Variants in GRK3 observed in about 807,000 individuals in gnomAD.
The protein encoded by GRK3 is adrenergic, beta, receptor kinase 2.
GRK3 carries 54 observed loss-of-function variants against 95.7 expected under a neutral mutation model. The ratio of observed to expected loss-of-function variants is 0.56; its 90% CI spans 0.45 to 0.71. GRK3 has a LOEUF of 0.71. GRK3 is among the 30% of genes least tolerant of loss of function. GRK3 has a pLI of 0.00. For missense variants in GRK3, 649 were observed against 851.2 expected (o/e 0.76, Z 2.96); for synonymous variants, 281 against 290.8 (o/e 0.97, Z 0.34).
intron 3 of GRK3, chr22:25,649,379 A>G: frequency 3.5e-6 from 2 of 577,166 alleles, no homozygotes; most frequent in Middle Eastern, 4.7e-4. Flanking sequence ...GTTCCACAAA[A>G]CCACTTTTTT....
At chr22:25,674,625 C>G (rs2085012205) in intron 8 of GRK3, 97 bp downstream of exon 8, 1 of 957,540 alleles carries the variant, frequency 1.0e-6, no homozygotes, top group Admixed American at 2.2e-5. Context: ...AAACCTATGA[C>G]ATTTCTTTTG....
intron 1 of GRK3, among the ~76,000 whole-genome samples, chr22:25,582,557 A>C (rs1932137746): frequency 6.6e-6 from 1 of 152,226 alleles, no homozygotes; most frequent in Admixed American, 6.5e-5. Flanking sequence ...ATCTGAAGAA[A>C]AAATGGGCAA....
Position 25,663,584 on chromosome 22 carries a change from T to C in GRK3, c.367-46T>C, listed in dbSNP as rs200556263. On this transcript the variant is annotated intron_variant, in intron 4 of 20. Coordinates refer to ENST00000324198, the MANE Select transcript of GRK3 (RefSeq NM_005160.4). ...TGTGATATTATATAACATACACAGA[T>C]TGGTTACATTTTATTATTTAAAAAT... The C allele has an allele frequency of 3.1e-6, 4 of 1,278,516 alleles. No individual in the cohort carries two copies. In the East Asian group the frequency reaches 9.8e-5, roughly 31 times the overall value. The allele number at this position is 1,278,516 out of a possible 1,614,324, so 79.2% of individuals were successfully genotyped here.
intron 10 of GRK3, among the ~76,000 whole-genome samples, chr22:25,686,554 A>T (rs2085116236): frequency 6.6e-6 from 1 of 152,212 alleles, no homozygotes; most frequent in Non-Finnish European, 1.5e-5. Flanking sequence ...AGCAAGGGTA[A>T]TAAAGTTGGA....
chr22:25,634,980 G>GT lies in GRK3; in HGVS notation c.191-9611dup, dbSNP rs201876738. On this transcript the variant is annotated intron_variant, in intron 2 of 20. Coordinates refer to ENST00000324198, the MANE Select transcript of GRK3 (RefSeq NM_005160.4). ...AAATAACTTCAAACTCAGAAAAGTC[G>GT]TAAGAATGGTATGAGGAATTTTGTA... Among the ~76,000 whole-genome samples the GT allele has an allele frequency of 2.8e-3, 423 of 152,238 alleles. 4 individuals carry two copies. In the East Asian group the frequency reaches 0.035, roughly 13 times the overall value.
At chr22:25,662,369 G>A (rs1389039997) in intron 4 of GRK3, among the ~76,000 whole-genome samples, 1 of 152,224 alleles carries the variant, frequency 6.6e-6, no homozygotes, top group East Asian at 1.9e-4. Context: ...TCAAATGGGA[G>A]TAAAAATTTA....
chr22:25,693,586 T>G (rs549674391), intron 12 of GRK3, among the ~76,000 whole-genome samples: 165 of 152,140 alleles, frequency 1.1e-3, no homozygotes, highest in Non-Finnish European at 2.0e-3. Context: ...TTCGGGCTGA[T>G]TGAGCTTTCC....
At chr22:25,600,951 T>G (rs78788260) in intron 1 of GRK3, among the ~76,000 whole-genome samples, 3,450 of 152,304 alleles carry the variant, frequency 0.023, 61 homozygotes, top group Middle Eastern at 0.068. Context: ...CATGGGGTTA[T>G]TTCACCATGG....
chr22:25,719,917 A>C (rs1404411849), intron 19 of GRK3, among the ~76,000 whole-genome samples: 1 of 152,240 alleles, frequency 6.6e-6, no homozygotes, highest in Non-Finnish European at 1.5e-5. Context: ...TTACAATTGC[A>C]TATCACTCCA....
Position 25,564,868 on chromosome 22 carries a change from CGCGCGCAGAGCGCTAGTGGG to C in GRK3, c.-166_-147del, listed in dbSNP as rs1169547814. The C allele has an allele frequency of 2.2e-5, 3 of 138,212 alleles. No individual in the cohort carries two copies. Among genetic ancestry groups the C allele is most frequent in the East Asian group, 2.3e-4 (1 of 4,362 alleles). The allele number at this position is 138,212 out of a possible 1,614,324, so 8.6% of individuals were successfully genotyped here. A position where few individuals can be genotyped will look rare whatever the true frequency, so the allele number is the denominator to read the frequency against. On this transcript the variant is annotated 5_prime_UTR_variant, in exon 1 of 21. Transcript: ENST00000324198. ...GACCCCGGCCGGCTACAGCCTGCGG[CGCGCGCAGAGCGCTAGTGGG>C]GCGCGCGGCGCGCGCGCGGGGCGGG... is the stretch of plus-strand genomic sequence containing the variant.
rs1402939529 is a variant in GRK3 at position 25,572,816 on chromosome 22, A to C, written c.113+7663A>C. On this transcript the variant is annotated intron_variant, in intron 1 of 20. Transcript: ENST00000324198. ...AGCAGCTGGCTTCATTGTATTGTGCATAAGGTGATTCATTACAGTCTTTCT... is the reference window on the plus strand; with the variant it reads ...AGCAGCTGGCTTCATTGTATTGTGCCTAAGGTGATTCATTACAGTCTTTCT... 5.2e-5 allele frequency among the ~76,000 whole-genome samples: 8 copies of C among 152,398 alleles called. No individual in the cohort carries two copies. In the East Asian group the frequency reaches 1.5e-3, roughly 29 times the overall value.
intron 2 of GRK3, among the ~76,000 whole-genome samples, chr22:25,628,138 G>T (rs1361097426): frequency 2.0e-5 from 3 of 152,142 alleles, no homozygotes; most frequent in Non-Finnish European, 4.4e-5. Context: ...ACACAAAGGT[G>T]CTCTGAAATG....
intron 17 of GRK3, among the ~76,000 whole-genome samples, chr22:25,712,573 A>G (rs2085352564): frequency 6.6e-6 from 1 of 152,280 alleles, no homozygotes. Context: ...ATACTTAAAA[A>G]TGTTGTAAAC....
chr22:25,650,236 T>C (rs1223176465), intron 3 of GRK3, among the ~76,000 whole-genome samples: 2 of 151,840 alleles, frequency 1.3e-5, no homozygotes, highest in Non-Finnish European at 2.9e-5. Flanking sequence ...AGAGACGGGG[T>C]TTCACCATGT....
chr22:25,624,481 G>A (rs917049030), intron 2 of GRK3, among the ~76,000 whole-genome samples: 9 of 152,080 alleles, frequency 5.9e-5, no homozygotes, highest in African/African-American at 1.7e-4. Flanking sequence ...GGAGAATGAC[G>A]TGAACCCGGG....
intron 1 of GRK3, 113 bp from the exon 2 acceptor site, chr22:25,604,264 G>A (rs2084428725): frequency 2.9e-6 from 2 of 701,380 alleles, no homozygotes; most frequent in Non-Finnish European, 4.6e-6. Flanking sequence ...GTGGCAAGAA[G>A]GGTCTCTTGT....
intron 2 of GRK3, among the ~76,000 whole-genome samples, chr22:25,609,351 T>TA (rs1184655283): frequency 6.6e-6 from 1 of 151,500 alleles, no homozygotes; most frequent in Non-Finnish European, 1.5e-5. Flanking sequence ...TTTTTTTTTT[T>TA]AAGACAGTCT....
rs1601550820 is a variant in GRK3, at chr22:25,719,936, AAAAG to A, written c.1792-1341_1792-1338del. On this transcript the variant is annotated intron_variant, in intron 19 of 20. Transcript: ENST00000324198. ...AATTGCATATCACTCCATTTCTTTG[AAAAG>A]AAAGAAGATCTTCCCAACCATCACT... is the stretch of plus-strand genomic sequence containing the variant. Among the ~76,000 whole-genome samples, 4 of 152,304 alleles carry A rather than the reference AAAAG, an allele frequency of 2.6e-5. No individual in the cohort carries two copies. The East Asian group carries it at 7.7e-4, about 29-fold the overall frequency.
At chr22:25,676,251 G>A (rs2085028101) in intron 8 of GRK3, among the ~76,000 whole-genome samples, 1 of 152,048 alleles carries the variant, frequency 6.6e-6, no homozygotes, top group Non-Finnish European at 1.5e-5. Context: ...TCATGGAAAA[G>A]TTCTTTCTTA....
Sources: gnomAD v4.1 joint callset for allele counts (sites outside exome capture counted in the v4.1 genomes callset) on GRCh38, gnomAD v4.1.1 for gene constraint, MANE v1.5 for transcripts, NCBI Gene and HGNC (gene_info 2026-07-23, HGNC 2026-07-21) for gene names.